Variants in EXOC6 observed in about 807,000 individuals in gnomAD.
EXOC6 encodes exocyst complex component 6, also known as SEC15-like 1.
A neutral mutation model predicts 112.5 loss-of-function variants in EXOC6; 60 were observed. The observed-to-expected ratio is 0.53, with a 90% CI of 0.43 to 0.66. The LOEUF (loss-of-function observed/expected upper bound fraction) is 0.66, where lower values mean the gene tolerates loss of function less well. Among genes scored for constraint, EXOC6 ranks in the 30% least tolerant of loss-of-function variants. EXOC6 has a pLI of 0.00. For synonymous variants in EXOC6, 295 were observed against 308.0 expected (o/e 0.96, Z 0.44); for missense variants, 855 against 957.1 (o/e 0.89, Z 1.41).
intron 17 of EXOC6, among the ~76,000 whole-genome samples, chr10:92,967,104 G>T (rs547932587): frequency 9.2e-5 from 14 of 151,352 alleles, no homozygotes; most frequent in Non-Finnish European, 1.6e-4. Flanking sequence ...GAAGTGTCTG[G>T]TCATATCCTT....
rs76227969 is a variant in EXOC6 at position 92,855,063 on chromosome 10, C to G, written c.101+6429C>G. ...TTTGCTAGTATTTTATTGAGAATTT[C>G]TACATCTATATTCATGAGGGATTTC... On this transcript the variant is annotated intron_variant, in intron 1 of 21. Transcript: ENST00000260762. Among the ~76,000 whole-genome samples the G allele has an allele frequency of 2.0e-5, 3 of 152,144 alleles. No individual in the cohort carries two copies. In the East Asian group the frequency reaches 5.8e-4, roughly 29 times the overall value.
chr10:93,023,701 C>T (rs1844888787), intron 20 of EXOC6, among the ~76,000 whole-genome samples: 1 of 152,020 alleles, frequency 6.6e-6, no homozygotes, highest in Non-Finnish European at 1.5e-5. Context: ...TTACAAAGAC[C>T]ATATGTTTTG....
intron 18 of EXOC6, among the ~76,000 whole-genome samples, chr10:92,979,197 G>A (rs555619193): frequency 3.6e-4 from 55 of 152,114 alleles, no homozygotes; most frequent in Non-Finnish European, 6.0e-4. Context: ...GTCTTGCTCT[G>A]TCACCCAGGC....
chr10:92,935,539 A>G (rs1852292099), intron 11 of EXOC6, among the ~76,000 whole-genome samples: 2 of 152,126 alleles, frequency 1.3e-5, no homozygotes, highest in Non-Finnish European at 2.9e-5. Flanking sequence ...TACATAGTCT[A>G]TTATAAACCT....
At chr10:93,042,136 C>T (rs1845808283) in intron 20 of EXOC6, among the ~76,000 whole-genome samples, 1 of 152,190 alleles carries the variant, frequency 6.6e-6, no homozygotes, top group Admixed American at 6.5e-5. Flanking sequence ...ACTCATATTT[C>T]AGTTTAGCAG....
chr10:92,964,553 T>C (rs1027286742), intron 17 of EXOC6, among the ~76,000 whole-genome samples: 20 of 152,212 alleles, frequency 1.3e-4, no homozygotes, highest in Non-Finnish European at 2.2e-4. Context: ...CATAAAAATA[T>C]ACATGTATTT....
chr10:92,933,121 G>A lies in EXOC6; in HGVS notation c.973-1023G>A, dbSNP rs192305993. Among the ~76,000 whole-genome samples, 443 of 152,170 alleles carry A rather than the reference G, an allele frequency of 2.9e-3. 2 individuals carry two copies. Among genetic ancestry groups the A allele is most frequent in the African/African-American group, 0.01 (425 of 41,544 alleles). ...AAATTTTTGTTATTTGTGTGCTTTT[G>A]AGTTGATAAAAATGGTAATTCTAAA... On this transcript the variant is annotated intron_variant, in intron 9 of 21. Transcript: ENST00000260762.
At chr10:92,953,341 A>G (rs1853525120) in intron 15 of EXOC6, among the ~76,000 whole-genome samples, 1 of 152,168 alleles carries the variant, frequency 6.6e-6, no homozygotes, top group Admixed American at 6.5e-5. Context: ...AGCCTCCCAA[A>G]GTGCTGAGAT....
intron 1 of EXOC6, among the ~76,000 whole-genome samples, chr10:92,884,785 A>G (rs978922706): frequency 6.6e-6 from 1 of 152,228 alleles, no homozygotes; most frequent in Non-Finnish European, 1.5e-5. Flanking sequence ...TAAGGATATT[A>G]CATGCTTTTT....
chr10:93,014,139 C>A, intron 19 of EXOC6, 55 bp from the exon 20 acceptor site: 1 of 1,288,188 alleles, frequency 7.8e-7, no homozygotes, highest in Non-Finnish European at 1.1e-6. Flanking sequence ...ATCAGTTAAA[C>A]TCTTGTATAT....
In EXOC6 at chr10:92,954,682, A is replaced by G; in HGVS notation, c.1579A>G (p.Arg527Gly). ...LRKSTNLLLT[R>G]TLSSCLLNLI... ...AAAATCAACAAATCTGCTGCTGACC[A>G]GAACTTTGAGTAGCTGTTTACTGAA... Residue 527 changes from arginine (R) to glycine (G), a missense_variant, in exon 16 of 22, where the codon AGA (arginine) becomes GGA (glycine). Physicochemically the swap from Arg to Gly is moderately radical, Grantham distance 125 (BLOSUM62 -2). Coordinates refer to ENST00000260762, the MANE Select transcript of EXOC6 (RefSeq NM_019053.6). 1 of 1,610,746 alleles carries G rather than the reference A, an allele frequency of 6.2e-7. No homozygotes were observed. Among genetic ancestry groups the G allele is most frequent in the Non-Finnish European group, 8.5e-7 (1 of 1,177,992 alleles).
intron 20 of EXOC6, among the ~76,000 whole-genome samples, chr10:93,046,228 T>C (rs1057029339): frequency 1.3e-5 from 2 of 152,114 alleles, no homozygotes; most frequent in African/African-American, 4.8e-5. Context: ...CAAAGTACAT[T>C]ATTAGAAGGA....
At chr10:93,058,147 G>A in intron 21 of EXOC6, 76 bp from the exon 22 acceptor site, 2 of 1,363,090 alleles carry the variant, frequency 1.5e-6, no homozygotes, top group Non-Finnish European at 2.0e-6. Context: ...TTCAGAGCAT[G>A]CCAAGATATT....
intron 18 of EXOC6, among the ~76,000 whole-genome samples, chr10:92,985,156 C>A (rs1437527062): frequency 6.6e-6 from 1 of 152,138 alleles, no homozygotes; most frequent in African/African-American, 2.4e-5. Flanking sequence ...ATCCTCAGCT[C>A]TCCCCAAAAT....
intron 1 of EXOC6, among the ~76,000 whole-genome samples, chr10:92,883,886 G>GTTTTT (rs1554886870): frequency 2.5e-4 from 38 of 150,406 alleles, no homozygotes; most frequent in African/African-American, 6.8e-4. Flanking sequence ...TTTTCTTTTT[G>GTTTTT]TTCTTTTCTT....
chr10:93,024,327 A>G (rs986169726), intron 20 of EXOC6, among the ~76,000 whole-genome samples: 1 of 152,186 alleles, frequency 6.6e-6, no homozygotes, highest in African/African-American at 2.4e-5. Flanking sequence ...GGGTCTTTCC[A>G]GGAACACTGA....
At chr10:92,863,459 C>G (rs143513910) in intron 1 of EXOC6, among the ~76,000 whole-genome samples, 1 of 152,150 alleles carries the variant, frequency 6.6e-6, no homozygotes, top group Non-Finnish European at 1.5e-5. Flanking sequence ...CTCTGGGAAA[C>G]CTTAAAGATA....
chr10:93,049,350 C>T (rs61863087), intron 20 of EXOC6, among the ~76,000 whole-genome samples: 4 of 151,992 alleles, frequency 2.6e-5, no homozygotes, highest in African/African-American at 9.7e-5. Context: ...CGTGAGCCAC[C>T]GTGCCCGGCC....
chr10:92,908,057 CTTTTT>C (rs10632745), intron 5 of EXOC6, among the ~76,000 whole-genome samples: 3 of 100,706 alleles, frequency 3.0e-5, no homozygotes, highest in African/African-American at 4.0e-5. Context: ...AATATAATGT[CTTTTT>C]TTTTTTTTTT....
Sources: allele counts gnomAD v4.1 joint callset (sites outside exome capture counted in the v4.1 genomes callset), GRCh38; gene constraint gnomAD v4.1.1; transcripts MANE v1.5; gene names NCBI Gene and HGNC (gene_info 2026-07-23, HGNC 2026-07-21).